PCDH9: variants seen among roughly 807,000 people sequenced by gnomAD.
The protein encoded by PCDH9 is protocadherin 9, also known as protocadherin-9.
PCDH9 carries 24 observed loss-of-function variants against 70.6 expected under a neutral mutation model. That is an observed-to-expected ratio of 0.34 (90% CI 0.25 to 0.48). PCDH9 has a LOEUF of 0.48. Ranked by LOEUF, PCDH9 falls within the 20% of genes least tolerant of loss-of-function variation. The pLI is 0.99. For synonymous variants in PCDH9, 562 were observed against 558.5 expected (o/e 1.01, Z -0.09); for missense variants, 1,281 against 1,503.6 (o/e 0.85, Z 2.45).
intron 3 of PCDH9, among the ~76,000 whole-genome samples, chr13:66,685,030 G>T (rs199707891): frequency 6.7e-6 from 1 of 148,668 alleles, no homozygotes; most frequent in East Asian, 2.0e-4. Context: ...CAATAGAAAA[G>T]AAAAAAAAAA....
At chr13:66,660,468 A>G (rs1023331404) in intron 3 of PCDH9, among the ~76,000 whole-genome samples, 4 of 152,188 alleles carry the variant, frequency 2.6e-5, no homozygotes, top group Non-Finnish European at 5.9e-5. Context: ...ATAGTGACCA[A>G]TCTACTCATA....
intron 4 of PCDH9, among the ~76,000 whole-genome samples, chr13:66,514,759 A>T (rs1959652933): frequency 2.0e-5 from 3 of 151,992 alleles, no homozygotes; most frequent in Non-Finnish European, 4.4e-5. Flanking sequence ...ATTCTTACCA[A>T]TTTTCTGCCT....
At chr13:67,164,286 A>G (rs1343097297) in intron 2 of PCDH9, among the ~76,000 whole-genome samples, 1 of 152,168 alleles carries the variant, frequency 6.6e-6, no homozygotes, top group Non-Finnish European at 1.5e-5. Flanking sequence ...AAGTATTAAG[A>G]AGAATATACG....
At chr13:66,403,310 G>GT (rs1957222528) in intron 4 of PCDH9, among the ~76,000 whole-genome samples, 3 of 149,980 alleles carry the variant, frequency 2.0e-5, no homozygotes, top group Non-Finnish European at 3.0e-5. Flanking sequence ...TTTTTTTTTT[G>GT]TTTTTTGTAT....
intron 2 of PCDH9, among the ~76,000 whole-genome samples, chr13:66,935,681 C>G (rs773694074): frequency 6.6e-6 from 1 of 152,034 alleles, no homozygotes; most frequent in African/African-American, 2.4e-5. Flanking sequence ...AATAAGAATA[C>G]TTAGCTCAAA....
chr13:66,954,327 T>C (rs1327086181), intron 2 of PCDH9, among the ~76,000 whole-genome samples: 2 of 152,178 alleles, frequency 1.3e-5, no homozygotes, highest in Non-Finnish European at 2.9e-5. Context: ...ATAAAAACTA[T>C]TTTCTTCACT....
intron 2 of PCDH9, among the ~76,000 whole-genome samples, chr13:67,105,021 T>G (rs1426221533): frequency 6.6e-6 from 1 of 152,122 alleles, no homozygotes; most frequent in Non-Finnish European, 1.5e-5. Flanking sequence ...ATCTTCTCCC[T>G]TCGCTAACAC....
At chr13:66,539,759 A>G (rs1363106220) in intron 4 of PCDH9, among the ~76,000 whole-genome samples, 1 of 151,990 alleles carries the variant, frequency 6.6e-6, no homozygotes, top group Non-Finnish European at 1.5e-5. Flanking sequence ...TAACATTTAC[A>G]ATTTTTTTTG....
chr13:66,701,634 C>T (rs981476911), intron 3 of PCDH9, among the ~76,000 whole-genome samples: 4 of 152,060 alleles, frequency 2.6e-5, no homozygotes, highest in Non-Finnish European at 5.9e-5. Context: ...CACAAGGCTT[C>T]ATCAACAACT....
chr13:66,485,402 A>G (rs946488038), intron 4 of PCDH9, among the ~76,000 whole-genome samples: 7 of 152,244 alleles, frequency 4.6e-5, no homozygotes, highest in Admixed American at 1.3e-4. Flanking sequence ...AGTTAATAAA[A>G]TAATATGCTG....
intron 4 of PCDH9, among the ~76,000 whole-genome samples, chr13:66,432,102 A>G (rs532898627): frequency 6.6e-6 from 1 of 152,160 alleles, no homozygotes; most frequent in South Asian, 2.1e-4. Context: ...TAAACTGGGT[A>G]TATTTAAACA....
chr13:66,387,416 C>T (rs1956948155), intron 4 of PCDH9, among the ~76,000 whole-genome samples: 1 of 151,932 alleles, frequency 6.6e-6, no homozygotes, highest in African/African-American at 2.4e-5. Context: ...AACTTGGTCC[C>T]CATTGTTGGA....
At chr13:66,845,992 G>A (rs2081201022) in intron 3 of PCDH9, among the ~76,000 whole-genome samples, 1 of 151,960 alleles carries the variant, frequency 6.6e-6, no homozygotes, top group Non-Finnish European at 1.5e-5. Flanking sequence ...GTGGGGATCA[G>A]TACAATGATA....
intron 3 of PCDH9, among the ~76,000 whole-genome samples, chr13:66,761,009 G>A (rs2079618727): frequency 6.6e-6 from 1 of 152,124 alleles, no homozygotes; most frequent in African/African-American, 2.4e-5. Context: ...GACAACGTGT[G>A]CCCAGCAGGA....
intron 4 of PCDH9, among the ~76,000 whole-genome samples, chr13:66,519,152 G>A (rs1186202291): frequency 6.6e-6 from 1 of 152,086 alleles, no homozygotes; most frequent in African/African-American, 2.4e-5. Flanking sequence ...TATCTCCACT[G>A]GCAGTGCTTT....
chr13:66,365,965 T>A (rs9529052), intron 4 of PCDH9, among the ~76,000 whole-genome samples: 66,625 of 151,802 alleles, frequency 0.44, 15,014 homozygotes, highest in Non-Finnish European at 0.51. Context: ...TATATAGGCA[T>A]AATGGGAGAT....
chr13:66,681,237 G>A (rs1412084467), intron 3 of PCDH9, among the ~76,000 whole-genome samples: 4 of 151,970 alleles, frequency 2.6e-5, no homozygotes, highest in Non-Finnish European at 5.9e-5. Flanking sequence ...CCCATTTACA[G>A]AGAGCATATT....
chr13:66,751,276 T>C (rs563095405), intron 3 of PCDH9, among the ~76,000 whole-genome samples: 60 of 152,272 alleles, frequency 3.9e-4, no homozygotes, highest in African/African-American at 1.3e-3. Context: ...TTCTATCTCC[T>C]ATTTCTTTTT....
intron 3 of PCDH9, among the ~76,000 whole-genome samples, chr13:66,686,165 C>T (rs1315953752): frequency 6.6e-6 from 1 of 152,104 alleles, no homozygotes; most frequent in Non-Finnish European, 1.5e-5. Context: ...TTCCCATAAT[C>T]CCCATGTGTC....
Sources: gnomAD v4.1 joint callset for allele counts (sites outside exome capture counted in the v4.1 genomes callset) on GRCh38, gnomAD v4.1.1 for gene constraint, MANE v1.5 for transcripts, NCBI Gene and HGNC (gene_info 2026-07-23, HGNC 2026-07-21) for gene names.